GLB1: variants seen among roughly 807,000 people sequenced by gnomAD.
GLB1 encodes galactosidase beta 1.
In GLB1, 56 loss-of-function variants were observed where a neutral mutation model predicts 74.0. That is an observed-to-expected ratio of 0.76 (90% confidence interval 0.61 to 0.94). The LOEUF (loss-of-function observed/expected upper bound fraction) is 0.94, where lower values mean the gene tolerates loss of function less well. GLB1 is among the 40% of genes least tolerant of loss of function. The pLI is 0.00. For synonymous variants in GLB1, 323 were observed against 323.6 expected (o/e 1.00, Z 0.02); for missense variants, 787 against 845.5 (o/e 0.93, Z 0.86).
rs748345527 is a variant in GLB1 at position 33,072,682 on chromosome 3, T to C, written c.107A>G (p.Tyr36Cys). 16 of 1,614,174 alleles carry C rather than the reference T, an allele frequency of 9.9e-6. No homozygotes were observed. In the Admixed American group the frequency reaches 2.0e-4, roughly 20 times the overall value. The change falls in exon 2 of 16, where the codon TAT becomes TGT. Residue 36 changes from tyrosine (Y) to cysteine (C), a missense_variant. Tyr to Cys is a radical substitution (Grantham distance 194). Coordinates refer to ENST00000307363, the MANE Select transcript of GLB1 (RefSeq NM_000404.4). ...ATCCTTGAGGAAGGAGTCCCGGCTA[T>C]AGTCAATTTCAAACATCCTCTGGGT... ...NATQRMFEID[Y>C]SRDSFLKDGQ...
the GLB1 span, among the ~76,000 whole-genome samples, chr3:32,974,486 C>G: frequency 6.6e-6 from 1 of 152,064 alleles, no homozygotes; most frequent in African/African-American, 2.4e-5. Flanking sequence ...AGCTGTGTCT[C>G]TATTATCTAT....
rs376640130 is a variant in GLB1 at position 33,093,235 on chromosome 3, T to G, written c.75+3776A>C. 6.2e-7 allele frequency: 1 copy of G among 1,614,016 alleles called. No homozygotes were observed. The highest frequency in any genetic ancestry group is 1.3e-5 in the African/African-American group (1 of 74,922). ...ATCCAGTCCTCATCCTCACTCCCACTGCCACTGCCACCACCACCACGTTGG... is the reference window on the plus strand; with the variant it reads ...ATCCAGTCCTCATCCTCACTCCCACGGCCACTGCCACCACCACCACGTTGG... On this transcript the variant is annotated intron_variant, in intron 1 of 15. Coordinates refer to ENST00000307363, the MANE Select transcript of GLB1 (RefSeq NM_000404.4). This position sits in a 1 kb window ranked among gnomAD's most constrained non-coding sequence, Gnocchi z 6.0.
At chr3:33,023,347 C>G (rs1697583501) in intron 11 of GLB1, among the ~76,000 whole-genome samples, 1 of 152,140 alleles carries the variant, frequency 6.6e-6, no homozygotes. Flanking sequence ...AAGAAAGATC[C>G]TTATCAGACA....
chr3:33,091,861 G>A, intron 1 of GLB1: 1 of 985,412 alleles, frequency 1.0e-6, no homozygotes, highest in Non-Finnish European at 1.2e-6. Flanking sequence ...TAACACGGGT[G>A]CTTATCTCCA....
the GLB1 span, among the ~76,000 whole-genome samples, chr3:32,962,668 A>C: frequency 6.6e-6 from 1 of 152,050 alleles, no homozygotes; most frequent in Non-Finnish European, 1.5e-5. Flanking sequence ...TTTACAAATA[A>C]CAATCAGGAG....
At position 33,014,279 on chromosome 3, in the gene GLB1, T is replaced by C. The variant is rs372538696; in HGVS notation, c.1511A>G (p.Asn504Ser). 5.9e-5 allele frequency: 95 copies of C among 1,613,936 alleles called. No individual in the cohort carries two copies. Among genetic ancestry groups the C allele is most frequent in the Admixed American group, 5.3e-4 (32 of 59,986 alleles). The change falls in exon 15 of 16, where the codon AAT becomes AGT. Residue 504 changes from asparagine to serine, a missense_variant. Physicochemically the swap from Asn to Ser is conservative, Grantham distance 46. Transcript: ENST00000307363. ...GLVSNLTLSS[N>S]ILTDWTIFPL... ...AAAGATCGTCCAGTCCGTGAGGATA[T>C]TGGAACTGAGAGTCAGGTTAGAAAC...
intron 1 of GLB1, among the ~76,000 whole-genome samples, chr3:33,073,560 C>T (rs918263937): frequency 1.2e-4 from 18 of 151,996 alleles, no homozygotes; most frequent in Non-Finnish European, 2.2e-4. Flanking sequence ...TGGTGGTGCA[C>T]GTCTATAATC....
At position 33,022,564 on chromosome 3, in the gene GLB1, A is replaced by ATTTTTTTTTTTTTTTTTTTTT. The variant is rs61013692; in HGVS notation, c.1144-910_1144-909insAAAAAAAAAAAAAAAAAAAAA. Among the ~76,000 whole-genome samples, 249 of 63,756 alleles carry ATTTTTTTTTTTTTTTTTTTTT rather than the reference A, an allele frequency of 3.9e-3. 86 individuals are homozygous for ATTTTTTTTTTTTTTTTTTTTT. The highest frequency in any genetic ancestry group is 9.0e-3 in the South Asian group (8 of 890). 41.8% of individuals were successfully genotyped at this position (63,756 alleles called of 152,430 possible). ...TTCCATGACTATAATACTGGTTAGG[A>ATTTTTTTTTTTTTTTTTTTTT]TTTTTTTTTTTTTTTTTTTGAGAGA... On this transcript the variant is annotated intron_variant, in intron 11 of 15. Transcript: ENST00000307363.
At chr3:33,074,383 AG>A (rs1255190198) in intron 1 of GLB1, among the ~76,000 whole-genome samples, 46 of 128,830 alleles carry the variant, frequency 3.6e-4, no homozygotes, top group African/African-American at 1.2e-3. Context: ...GAAGGAAGGA[AG>A]GAAGGAAGAA....
the GLB1 span, among the ~76,000 whole-genome samples, chr3:32,983,854 A>ATT: frequency 4.1e-5 from 6 of 147,326 alleles, no homozygotes; most frequent in Non-Finnish European, 7.5e-5. Context: ...TAATTTTTAA[A>ATT]TTTTTTTTTT....
the GLB1 span, among the ~76,000 whole-genome samples, chr3:32,976,675 C>T: frequency 2.0e-5 from 3 of 152,250 alleles, no homozygotes; most frequent in African/African-American, 7.2e-5. Flanking sequence ...CCCCTTAGCC[C>T]GTGGAAGCTT....
intron 9 of GLB1, among the ~76,000 whole-genome samples, chr3:33,049,103 G>T (rs1345898918): frequency 6.6e-6 from 1 of 152,094 alleles, no homozygotes; most frequent in Non-Finnish European, 1.5e-5. Context: ...ATTGTGTCAT[G>T]AACCATAAAG....
chr3:33,031,675 A>ATATATATATATATATATATATAT (rs1698048432), intron 10 of GLB1, among the ~76,000 whole-genome samples: 1 of 128,364 alleles, frequency 7.8e-6, no homozygotes, highest in Non-Finnish European at 1.6e-5. Flanking sequence ...ATATATATAT[A>ATATATATATATATATATATATAT]ATCTCCACTA....
At chr3:33,020,810 A>C (rs1446358362) in intron 12 of GLB1, among the ~76,000 whole-genome samples, 3 of 152,200 alleles carry the variant, frequency 2.0e-5, no homozygotes, top group Non-Finnish European at 4.4e-5. Context: ...CTGCAGGATA[A>C]TGTTCTTTTT....
At chr3:32,970,530 T>G in the GLB1 span, among the ~76,000 whole-genome samples, 1 of 152,206 alleles carries the variant, frequency 6.6e-6, no homozygotes, top group Non-Finnish European at 1.5e-5. Flanking sequence ...ACTTGTATAC[T>G]CTTTCAAACC....
chr3:32,991,492 T>A, the GLB1 span, among the ~76,000 whole-genome samples: 1 of 152,188 alleles, frequency 6.6e-6, no homozygotes, highest in Admixed American at 6.5e-5. Context: ...AGGATGGGGA[T>A]CTGTGTTTCC....
At chr3:33,068,339 C>A (rs768637430) in intron 3 of GLB1, 49 bp from the exon 4 acceptor site, 2 of 1,611,104 alleles carry the variant, frequency 1.2e-6, no homozygotes, top group Admixed American at 3.3e-5. Context: ...GTGAAGGGTG[C>A]TCAGAGGAGA....
At chr3:32,988,429 A>G in the GLB1 span, among the ~76,000 whole-genome samples, 1 of 152,218 alleles carries the variant, frequency 6.6e-6, no homozygotes, top group Non-Finnish European at 1.5e-5. Context: ...TGGTATTCAC[A>G]TTCTACATAT....
chr3:33,074,633 A>G (rs1032006702), intron 1 of GLB1, among the ~76,000 whole-genome samples: 2 of 152,108 alleles, frequency 1.3e-5, no homozygotes, highest in Non-Finnish European at 2.9e-5. Context: ...TGTTAAGCCG[A>G]GTGGAACACT....
Sources: gnomAD v4.1 joint callset for allele counts (sites outside exome capture counted in the v4.1 genomes callset) on GRCh38, gnomAD v4.1.1 for gene constraint, Gnocchi (gnomAD v3.1) non-coding constraint, MANE v1.5 for transcripts, NCBI Gene and HGNC (gene_info 2026-07-23, HGNC 2026-07-21) for gene names.